The following PPP2R2B variants were observed in gnomAD, a reference collection of about 807,000 sequenced individuals.
PPP2R2B encodes protein phosphatase 2 regulatory subunit Bbeta.
In PPP2R2B, 5 loss-of-function variants were observed where a neutral mutation model predicts 46.0. The observed-to-expected ratio is 0.11, with a 90% confidence interval of 0.06 to 0.23. The LOEUF (loss-of-function observed/expected upper bound fraction) is 0.23. Ranked by LOEUF, PPP2R2B falls within the 10% of genes least tolerant of loss-of-function variation. The probability of loss-of-function intolerance (pLI) is 1.00; values close to 1 mark genes in which losing one functional copy is unlikely to be tolerated. For missense variants in PPP2R2B, 367 were observed against 575.0 expected (o/e 0.64, Z 3.70); for synonymous variants, 215 against 206.7 (o/e 1.04, Z -0.34).
At chr5:147,001,504 C>T (rs1754176017) in intron 1 of PPP2R2B, among the ~76,000 whole-genome samples, 1 of 152,122 alleles carries the variant, frequency 6.6e-6, no homozygotes, top group Admixed American at 6.5e-5. Flanking sequence ...ACTCTGGACA[C>T]ATCTGAACGT....
intron 2 of PPP2R2B, among the ~76,000 whole-genome samples, chr5:146,749,739 C>T (rs1269417671): frequency 1.3e-5 from 2 of 151,386 alleles, no homozygotes; most frequent in African/African-American, 4.9e-5. Flanking sequence ...GCTGGGACTA[C>T]AGGCGCCTGC....
rs146302995 is a variant in PPP2R2B, at chr5:146,990,835, T to C, written c.79+64830A>G. On this transcript the variant is annotated intron_variant, in intron 1 of 8. Coordinates refer to the PPP2R2B transcript ENST00000336640. ...TGACAATGGATTATTATTCAGAATATATAAGAAACTCAATGATTCAATAGC... is the reference window on the plus strand; with the variant it reads ...TGACAATGGATTATTATTCAGAATACATAAGAAACTCAATGATTCAATAGC... Among the ~76,000 whole-genome samples the C allele has an allele frequency of 5.0e-3, 768 of 152,082 alleles. 3 individuals carry two copies. Among genetic ancestry groups the C allele is most frequent in the African/African-American group, 0.018 (729 of 41,520 alleles).
In PPP2R2B at chr5:146,584,192, T is replaced by G. The variant is rs559519731; in HGVS notation, c.*5755A>C. 3.9e-5 allele frequency: 6 copies of G among 152,406 alleles called. No individual in the cohort carries two copies. Among genetic ancestry groups the G allele is most frequent in the African/African-American group, 1.4e-4 (6 of 41,582 alleles). The allele number at this position is 152,406 out of a possible 1,614,324, so 9.4% of individuals were successfully genotyped here. A position where few individuals can be genotyped will look rare whatever the true frequency, so the allele number is the denominator to read the frequency against. On this transcript the variant is annotated 3_prime_UTR_variant, in exon 10 of 10. Coordinates refer to ENST00000394411, the MANE Select transcript of PPP2R2B (RefSeq NM_181675.4). ...GGCCTGACAGTGATCATTGCTTTGA[T>G]TGCAGCTGAGGCAGGGATCAGCGGA...
intron 6 of PPP2R2B, among the ~76,000 whole-genome samples, chr5:146,648,785 G>A (rs565411577): frequency 6.6e-6 from 1 of 152,140 alleles, no homozygotes; most frequent in Non-Finnish European, 1.5e-5. Flanking sequence ...TAGAAAGAGG[G>A]AACAGCAAAT....
chr5:146,604,241 T>C (rs550725624), intron 7 of PPP2R2B, among the ~76,000 whole-genome samples: 1 of 152,190 alleles, frequency 6.6e-6, no homozygotes, highest in Non-Finnish European at 1.5e-5. Flanking sequence ...GGAAGGTAAA[T>C]GGAACACCAG....
chr5:146,693,941 G>C (rs1383757329), intron 4 of PPP2R2B, among the ~76,000 whole-genome samples: 2 of 152,078 alleles, frequency 1.3e-5, no homozygotes, highest in Non-Finnish European at 2.9e-5. Context: ...CGTCCCTCTG[G>C]GAATTCCTTC....
chr5:146,924,275 A>T (rs746770850), intron 1 of PPP2R2B, among the ~76,000 whole-genome samples: 3 of 152,196 alleles, frequency 2.0e-5, no homozygotes, highest in Non-Finnish European at 4.4e-5. Context: ...CTTCTCTGAC[A>T]CCCCTGTGCT....
At position 146,815,728 on chromosome 5, in the gene PPP2R2B, A is replaced by T. The variant is rs180741860; in HGVS notation, c.70+62274T>A. Among the ~76,000 whole-genome samples, 323 of 152,326 alleles carry T rather than the reference A, an allele frequency of 2.1e-3. 2 individuals carry two copies. The highest frequency in any genetic ancestry group is 7.3e-3 in the African/African-American group (302 of 41,576). On this transcript the variant is annotated intron_variant, in intron 2 of 9. Transcript: ENST00000394411. Reference sequence around the variant, plus strand: ...TTTTAACCTATCCCCACTTTTCCACACACACACACTTTAGGAATCTGAATA... The same window carrying T: ...TTTTAACCTATCCCCACTTTTCCACTCACACACACTTTAGGAATCTGAATA...
At chr5:146,727,515 T>A (rs888273864) in intron 2 of PPP2R2B, among the ~76,000 whole-genome samples, 2 of 152,054 alleles carry the variant, frequency 1.3e-5, no homozygotes, top group African/African-American at 4.8e-5. Flanking sequence ...ATTGGAGACT[T>A]CTAGAAGGTG....
chr5:146,692,471 G>C (rs765462408), intron 4 of PPP2R2B, among the ~76,000 whole-genome samples: 6 of 151,820 alleles, frequency 4.0e-5, no homozygotes, highest in Non-Finnish European at 5.9e-5. Flanking sequence ...GAGTAAAAAG[G>C]GCTAAAGGAT....
At chr5:146,608,667 T>C (rs1424479388) in intron 7 of PPP2R2B, among the ~76,000 whole-genome samples, 1 of 152,088 alleles carries the variant, frequency 6.6e-6, no homozygotes, top group African/African-American at 2.4e-5. Flanking sequence ...TAGTGGCGCA[T>C]GCCTATAGTC....
At chr5:146,639,443 A>C (rs1012538961) in intron 6 of PPP2R2B, among the ~76,000 whole-genome samples, 8 of 152,168 alleles carry the variant, frequency 5.3e-5, no homozygotes, top group African/African-American at 1.7e-4. Flanking sequence ...AAGGTGACTC[A>C]ATGAAAATAA....
At chr5:146,789,945 G>C (rs1445901151) in intron 2 of PPP2R2B, among the ~76,000 whole-genome samples, 2 of 152,184 alleles carry the variant, frequency 1.3e-5, no homozygotes, top group Non-Finnish European at 2.9e-5. Flanking sequence ...AACTAGGTCT[G>C]CAAGGATAAT....
intron 2 of PPP2R2B, among the ~76,000 whole-genome samples, chr5:147,071,425 C>G (rs142493630): frequency 2.9e-4 from 44 of 152,312 alleles, no homozygotes; most frequent in Non-Finnish European, 5.7e-4. Context: ...AGGAGTCCAG[C>G]TATTTATAAT....
At chr5:146,598,765 A>T (rs1771483808) in intron 8 of PPP2R2B, among the ~76,000 whole-genome samples, 1 of 152,152 alleles carries the variant, frequency 6.6e-6, no homozygotes, top group Non-Finnish European at 1.5e-5. Flanking sequence ...CATTGCTAAT[A>T]CACTCATCTA....
intron 2 of PPP2R2B, among the ~76,000 whole-genome samples, chr5:146,868,437 T>C (rs1004094920): frequency 3.3e-5 from 5 of 152,132 alleles, no homozygotes; most frequent in Admixed American, 6.5e-5. Context: ...CATCAGAACA[T>C]ATCAAAGAGA....
chr5:146,937,457 G>A (rs901352625), intron 1 of PPP2R2B, among the ~76,000 whole-genome samples: 1 of 152,172 alleles, frequency 6.6e-6, no homozygotes, highest in East Asian at 1.9e-4. Context: ...ACTTTGATAT[G>A]TGTTATTAAG....
At chr5:146,885,962 G>A (rs980730179) in intron 1 of PPP2R2B, among the ~76,000 whole-genome samples, 3 of 152,028 alleles carry the variant, frequency 2.0e-5, no homozygotes, top group East Asian at 1.9e-4. Context: ...GGTTGCCAGG[G>A]ACTGAGGATA....
chr5:146,972,637 G>C (rs377398508), intron 1 of PPP2R2B, among the ~76,000 whole-genome samples: 1 of 152,040 alleles, frequency 6.6e-6, no homozygotes. Context: ...ACTTGAACAC[G>C]GGAGGCAGAG....
Sources: gnomAD v4.1 joint callset for allele counts (sites outside exome capture counted in the v4.1 genomes callset) on GRCh38, gnomAD v4.1.1 for gene constraint, MANE v1.5 for transcripts, NCBI Gene and HGNC (gene_info 2026-07-23, HGNC 2026-07-21) for gene names.